The following UBR4 variants were observed in gnomAD, a reference collection of about 807,000 sequenced individuals.
UBR4 encodes the protein ubiquitin protein ligase E3 component n-recognin 4, also known as E3 ubiquitin-protein ligase UBR4.
A neutral mutation model predicts 575.6 loss-of-function variants in UBR4; 124 were observed. The observed-to-expected ratio is 0.22, with a 90% confidence interval of 0.19 to 0.25. The LOEUF (loss-of-function observed/expected upper bound fraction) is 0.25, where lower values mean the gene tolerates loss of function less well. UBR4 is among the 10% of genes least tolerant of loss of function. The pLI, the probability that UBR4 is intolerant of heterozygous loss-of-function variation, is 1.00. For synonymous variants in UBR4, 2,455 were observed against 2,473.7 expected, an observed-to-expected ratio of 0.99 and a Z score of 0.22; for missense variants, 4,818 against 6,478.8, an observed-to-expected ratio of 0.74 and a Z score of 8.80.
At chr1:19,136,058 C>A (rs1557730407) in intron 60 of UBR4, among the ~76,000 whole-genome samples, 1 of 151,988 alleles carries the variant, frequency 6.6e-6, no homozygotes, top group African/African-American at 2.4e-5. Context: ...CTGGGGAGGT[C>A]GGGGGTGCTG....
intron 81 of UBR4, 126 bp from the exon 82 acceptor site, chr1:19,107,092 G>T: frequency 7.3e-7 from 1 of 1,363,060 alleles, no homozygotes; most frequent in African/African-American, 1.5e-5. Flanking sequence ...GGATCAACAC[G>T]TGTATCTCTT....
At position 19,173,591 on chromosome 1, in the gene UBR4, T is replaced by A; in HGVS notation, c.3013A>T (p.Ile1005Leu). 2 of 1,614,036 alleles carry A rather than the reference T, an allele frequency of 1.2e-6. No individual in the cohort carries two copies. The highest frequency in any genetic ancestry group is 8.5e-7 in the Non-Finnish European group (1 of 1,180,006). The change falls in exon 23 of 106, where the codon ATA becomes TTA. Residue 1005 changes from isoleucine to leucine, a missense_variant. Ile to Leu is a conservative substitution (Grantham distance 5, BLOSUM62 2). Around this residue, in one of 29 missense-constraint regions of UBR4, gnomAD observed 1,172 missense variants for 1,259.7 expected, o/e 0.93. Coordinates refer to ENST00000375254, the MANE Select transcript of UBR4 (RefSeq NM_020765.3). Reference sequence around the variant, plus strand: ...AAAATTCCTAGGATCCTCCACAGTATCAAGAAGTAATATTGAAGGGCACAG... The same window carrying A: ...AAAATTCCTAGGATCCTCCACAGTAACAAGAAGTAATATTGAAGGGCACAG... ...EACALQYYFLILWRILGILPP... is the reference protein window; with the variant it reads ...EACALQYYFLLLWRILGILPP...
chr1:19,209,354 C>T (rs1373742607), intron 1 of UBR4, among the ~76,000 whole-genome samples: 8 of 152,198 alleles, frequency 5.3e-5, no homozygotes, highest in Non-Finnish European at 4.4e-5. Context: ...TTTGTACCTA[C>T]ATAACTGTCA....
chr1:19,159,103 G>A (rs918118604), intron 39 of UBR4, among the ~76,000 whole-genome samples: 2 of 152,158 alleles, frequency 1.3e-5, no homozygotes, highest in African/African-American at 4.8e-5. Context: ...CTGAGATCAT[G>A]CCACTGCACT....
At chr1:19,190,312 A>ATATATATATAT (rs1553226958) in intron 11 of UBR4, among the ~76,000 whole-genome samples, 5 of 79,908 alleles carry the variant, frequency 6.3e-5, no homozygotes, top group Admixed American at 5.4e-4. Flanking sequence ...AAAAAAAAAA[A>ATATATATATAT]ATATATATAT....
chr1:19,175,160 G>T, intron 20 of UBR4, 127 bp from the exon 21 acceptor site: 2 of 879,454 alleles, frequency 2.3e-6, no homozygotes, highest in Non-Finnish European at 3.3e-6. Flanking sequence ...GACATCTGGA[G>T]CCAGATAAGT....
rs368795031 is a variant in UBR4 at position 19,186,531 on chromosome 1, G to C, written c.1750+9C>G. Reference sequence around the variant, plus strand: ...TTATCTCTGGGAGAGAGAAAAGAGCGGCCTCTACCTTGGCTGCTGTCCTCC... The same window carrying C: ...TTATCTCTGGGAGAGAGAAAAGAGCCGCCTCTACCTTGGCTGCTGTCCTCC... On this transcript the variant is annotated intron_variant, in intron 14 of 105. Transcript: ENST00000375254. 3 of 1,610,586 alleles carry C rather than the reference G, an allele frequency of 1.9e-6. No individual in the cohort carries two copies. Among genetic ancestry groups the C allele is most frequent in the Non-Finnish European group, 2.5e-6 (3 of 1,177,134 alleles).
intron 60 of UBR4, among the ~76,000 whole-genome samples, chr1:19,135,398 T>A (rs990327699): frequency 9.2e-5 from 14 of 152,232 alleles, no homozygotes; most frequent in African/African-American, 3.1e-4. Flanking sequence ...GACATAAATG[T>A]TAGTATCAAC....
rs2150408533 is a variant in UBR4 at position 19,157,205 on chromosome 1, T to C, written c.5761-280A>G. 6.6e-6 allele frequency among the ~76,000 whole-genome samples: 1 copy of C among 152,368 alleles called. No homozygotes were observed. The highest frequency in any genetic ancestry group is 1.5e-5 in the Non-Finnish European group (1 of 68,038). On this transcript the variant is annotated intron_variant, in intron 40 of 105. Transcript: ENST00000375254. The surrounding 1 kb of genome is among the most constrained non-coding windows in gnomAD (Gnocchi z 4.4). The stretch of plus-strand genomic sequence containing the variant: ...GAATACCTACGTACCACTGTCCTTT[T>C]CTAGTTTTCTAGGAAACTGTTTTTA...
intron 38 of UBR4, 40 bp from the exon 39 acceptor site, chr1:19,160,321 A>T: frequency 2.0e-6 from 3 of 1,508,380 alleles, no homozygotes; most frequent in Non-Finnish European, 2.7e-6. Flanking sequence ...AAAAAAAAAA[A>T]AAAGAAAAAC....
intron 55 of UBR4, 126 bp downstream of exon 55, chr1:19,143,854 A>C: frequency 1.3e-6 from 1 of 745,480 alleles, no homozygotes; most frequent in South Asian, 2.0e-5. Context: ...AGGATTAGAA[A>C]AAAGACAGAT....
In UBR4 at chr1:19,139,284, C is replaced by CA. The variant is rs919064964; in HGVS notation, c.8594-65dup. Reference sequence around the variant, plus strand: ...AACAAACAAACAAACAAACAAAAAACAAAAAAAACCCCTCCTTGGGATGAA... The same window carrying CA: ...AACAAACAAACAAACAAACAAAAAACAAAAAAAAACCCCTCCTTGGGATGAA... On this transcript the variant is annotated intron_variant, in intron 58 of 105. Coordinates refer to ENST00000375254, the MANE Select transcript of UBR4 (RefSeq NM_020765.3). The surrounding 1 kb of genome is among the most constrained non-coding windows in gnomAD (Gnocchi z 4.2). The CA allele has an allele frequency of 1.0e-4, 154 of 1,516,984 alleles. No individual in the cohort carries two copies. Among genetic ancestry groups the CA allele is most frequent in the South Asian group, 9.6e-4 (74 of 77,464 alleles). 94.0% of individuals were successfully genotyped at this position (1,516,984 alleles called of 1,614,324 possible).
chr1:19,109,999 G>A, intron 81 of UBR4, 97 bp downstream of exon 81: 1 of 1,570,764 alleles, frequency 6.4e-7, no homozygotes, highest in Non-Finnish European at 8.7e-7. Context: ...TGGGCTCAAG[G>A]CAAAGCGGAG....
intron 60 of UBR4, among the ~76,000 whole-genome samples, chr1:19,131,054 G>A (rs190643114): frequency 7.5e-4 from 114 of 151,692 alleles, no homozygotes; most frequent in African/African-American, 2.6e-3. Context: ...TACCACTGGC[G>A]CATGCCATCA....
rs2082039256 is a variant in UBR4 at position 19,128,309 on chromosome 1, T to A, written c.9013A>T (p.Met3005Leu). The A allele has an allele frequency of 6.2e-7, 1 of 1,613,946 alleles. No individual in the cohort carries two copies. ...TCTCCATCCAGATCTGTAGTGAGCA[T>A]TAGAATGACCTAGAAGTCAAAGACA... ...RAIPYMQVIL[M>L]LTTDLDGEDE... is the part of the protein sequence containing the mutation. Residue 3005 changes from methionine (M) to leucine (L), a missense_variant, in exon 62 of 106, where the codon ATG becomes TTG. Physicochemically the swap from Met to Leu is conservative, Grantham distance 15. This residue lies in a region of UBR4 where 87 missense variants were observed against 82.8 expected (regional missense o/e 1.05). Transcript: ENST00000375254.
chr1:19,075,125 C>T, intron 105 of UBR4: 1 of 573,518 alleles, frequency 1.7e-6, no homozygotes, highest in Admixed American at 2.9e-5. Flanking sequence ...TTTTTGTTCT[C>T]ACATTTGAAT....
chr1:19,164,223 T>TCTTGAGATC (rs749102133), intron 33 of UBR4, 30 bp downstream of exon 33: 10 of 1,595,482 alleles, frequency 6.3e-6, no homozygotes, highest in Non-Finnish European at 1.7e-6. Flanking sequence ...ATCAATGTTG[T>TCTTGAGATC]AACCTACAGA....
intron 6 of UBR4, 53 bp downstream of exon 6, chr1:19,197,894 G>T (rs550065649): frequency 1.8e-5 from 29 of 1,612,188 alleles, no homozygotes; most frequent in Non-Finnish European, 2.2e-5. Flanking sequence ...GCACACTTAA[G>T]GAATTTTTGA....
chr1:19,168,715 C>T (rs2088935789), intron 27 of UBR4, among the ~76,000 whole-genome samples: 3 of 152,256 alleles, frequency 2.0e-5, no homozygotes, highest in Admixed American at 1.3e-4. Flanking sequence ...TGGTGGCTCA[C>T]GCCTGTAATC....
Sources: allele counts gnomAD v4.1 joint callset (sites outside exome capture counted in the v4.1 genomes callset), GRCh38; gene constraint gnomAD v4.1.1; regional missense constraint gnomAD v4.1.1; non-coding constraint Gnocchi (gnomAD v3.1); transcripts MANE v1.5; gene names NCBI Gene and HGNC (gene_info 2026-07-23, HGNC 2026-07-21).